The following CDH8 variants were observed in gnomAD, a reference collection of about 807,000 sequenced individuals.
CDH8 encodes cadherin-8.
In CDH8, 17 loss-of-function variants were observed where a neutral mutation model predicts 68.1. The ratio of observed to expected loss-of-function variants is 0.25; its 90% CI spans 0.17 to 0.37. The LOEUF (loss-of-function observed/expected upper bound fraction) is 0.37. CDH8 is among the 10% of genes least tolerant of loss of function. The pLI is 1.00. For synonymous variants in CDH8, 372 were observed against 365.1 expected (o/e 1.02, Z -0.21); for missense variants, 763 against 999.3 (o/e 0.76, Z 3.19).
chr16:62,012,917 A>C (rs924436403), intron 2 of CDH8, among the ~76,000 whole-genome samples: 1 of 152,170 alleles, frequency 6.6e-6, no homozygotes, highest in African/African-American at 2.4e-5. Flanking sequence ...TCCACATCAA[A>C]ACAGTGAATA....
At chr16:61,953,930 A>G (rs1268977828) in intron 2 of CDH8, among the ~76,000 whole-genome samples, 1 of 129,564 alleles carries the variant, frequency 7.7e-6, no homozygotes, top group Non-Finnish European at 1.6e-5. Flanking sequence ...TATATATAAA[A>G]TACCTTAATA....
chr16:61,979,485 C>T (rs906810406), intron 2 of CDH8, among the ~76,000 whole-genome samples: 2 of 152,176 alleles, frequency 1.3e-5, no homozygotes, highest in Non-Finnish European at 2.9e-5. Context: ...GATCAAGGCT[C>T]TTGATCTTAC....
intron 8 of CDH8, among the ~76,000 whole-genome samples, chr16:61,728,560 A>ACATG (rs1469741332): frequency 6.6e-6 from 1 of 151,120 alleles, no homozygotes; most frequent in African/African-American, 2.4e-5. Flanking sequence ...CAGGGAGGAA[A>ACATG]CATGCTCTTT....
At chr16:61,921,878 A>G (rs747742819) in intron 2 of CDH8, among the ~76,000 whole-genome samples, 3 of 152,286 alleles carry the variant, frequency 2.0e-5, no homozygotes, top group Non-Finnish European at 1.5e-5. Flanking sequence ...AAAAAATACA[A>G]AACTTAGTCG....
chr16:61,824,587 G>A (rs1486024348), intron 5 of CDH8, among the ~76,000 whole-genome samples: 2 of 151,828 alleles, frequency 1.3e-5, no homozygotes, highest in East Asian at 3.9e-4. Flanking sequence ...CAGGAAGAAG[G>A]AGTGTAAATT....
At position 61,817,604 on chromosome 16, in the gene CDH8, A is replaced by G. The variant is rs1303967854; in HGVS notation, c.1152T>C (p.Asp384=). The G allele has an allele frequency of 1.2e-6, 2 of 1,614,074 alleles. No homozygotes were observed. The highest frequency in any genetic ancestry group is 8.5e-7 in the Non-Finnish European group (1 of 1,180,004). ...DTATVKIVVE[D]ADEPPVFSSP... ...AAGAGAAGACCGGAGGCTCATCAGC[A>G]TCTTCAACCACGATTTTGACTGTCG... Residue 384 remains aspartate (D), a synonymous_variant, in exon 7 of 12, where the codon GAT becomes GAC. Coordinates refer to ENST00000577390, the MANE Select transcript of CDH8 (RefSeq NM_001796.5).
chr16:61,981,689 C>CGCGCGT (rs1965533317), intron 2 of CDH8, among the ~76,000 whole-genome samples: 1 of 151,506 alleles, frequency 6.6e-6, no homozygotes, highest in African/African-American at 2.4e-5. Flanking sequence ...TGTGCGCGCG[C>CGCGCGT]GCGCGTGCGC....
At chr16:61,798,709 A>G (rs1961552955) in intron 7 of CDH8, among the ~76,000 whole-genome samples, 1 of 152,196 alleles carries the variant, frequency 6.6e-6, no homozygotes, top group Non-Finnish European at 1.5e-5. Flanking sequence ...CTTAGGAAGT[A>G]AAATAAACCA....
intron 3 of CDH8, among the ~76,000 whole-genome samples, chr16:61,877,472 C>T (rs1429719198): frequency 1.3e-5 from 2 of 152,200 alleles, no homozygotes; most frequent in African/African-American, 2.4e-5. Flanking sequence ...AGAATTTCCA[C>T]ATATTTCATT....
At chr16:61,849,270 T>A (rs1217331303) in intron 4 of CDH8, among the ~76,000 whole-genome samples, 1 of 151,912 alleles carries the variant, frequency 6.6e-6, no homozygotes, top group East Asian at 1.9e-4. Context: ...GTCTCCCGCC[T>A]GTCTTCTTAC....
intron 2 of CDH8, among the ~76,000 whole-genome samples, chr16:61,971,278 G>A (rs559697838): frequency 2.6e-5 from 4 of 152,160 alleles, no homozygotes; most frequent in South Asian, 2.1e-4. Context: ...GTGCATGAAC[G>A]CCCCCACTTC....
rs187703560 is a variant in CDH8 at position 61,762,113 on chromosome 16, T to A, written c.1414+27233A>T. Among the ~76,000 whole-genome samples the A allele has an allele frequency of 3.4e-3, 523 of 152,268 alleles. 2 individuals are homozygous for A. The highest frequency in any genetic ancestry group is 6.8e-3 in the Middle Eastern group (2 of 294). On this transcript the variant is annotated intron_variant, in intron 8 of 11. Transcript: ENST00000577390. ...CCGGAGGTAGGCAGATATGGTGGGA[T>A]CCTGGTGGTGGTGGACTTCCTCTGG...
At chr16:61,928,683 C>T (rs1363403092) in intron 2 of CDH8, among the ~76,000 whole-genome samples, 1 of 152,160 alleles carries the variant, frequency 6.6e-6, no homozygotes, top group Non-Finnish European at 1.5e-5. Flanking sequence ...TTATTTTAGA[C>T]ACACTATGAA....
chr16:61,777,253 G>A (rs1242802797), intron 8 of CDH8, among the ~76,000 whole-genome samples: 1 of 152,046 alleles, frequency 6.6e-6, no homozygotes, highest in Non-Finnish European at 1.5e-5. Flanking sequence ...GATATCTAGG[G>A]TCTTCCTTAC....
intron 8 of CDH8, among the ~76,000 whole-genome samples, chr16:61,745,690 C>A (rs72796899): frequency 2.7e-5 from 4 of 150,744 alleles, no homozygotes; most frequent in African/African-American, 9.8e-5. Flanking sequence ...CAGCTTCAGA[C>A]CTTTTCTTTG....
At chr16:61,834,243 G>T (rs1285234010) in intron 4 of CDH8, among the ~76,000 whole-genome samples, 1 of 151,814 alleles carries the variant, frequency 6.6e-6, no homozygotes, top group Non-Finnish European at 1.5e-5. Context: ...TTGTTACACA[G>T]TCACAGAGCC....
intron 10 of CDH8, among the ~76,000 whole-genome samples, chr16:61,656,076 G>A (rs996967695): frequency 1.3e-5 from 2 of 152,062 alleles, no homozygotes; most frequent in African/African-American, 4.8e-5. Context: ...GTTTCACCGT[G>A]TTAGCCAGGA....
At position 61,933,399 on chromosome 16, in the gene CDH8, T is replaced by C. The variant is rs1196476626; in HGVS notation, c.253-31926A>G. Among the ~76,000 whole-genome samples the C allele has an allele frequency of 4.6e-5, 7 of 152,172 alleles. No homozygotes were observed. In the East Asian group the frequency reaches 1.3e-3, roughly 29 times the overall value. ...ATATTGAACTTTTACCCACAAGGTCTTGGAGAAACTAACAAATGATTTAGA... is the reference window on the plus strand; with the variant it reads ...ATATTGAACTTTTACCCACAAGGTCCTGGAGAAACTAACAAATGATTTAGA... On this transcript the variant is annotated intron_variant, in intron 2 of 11. Transcript: ENST00000577390.
intron 8 of CDH8, chr16:61,743,263 C>CT (rs1959924661): frequency 1.3e-5 from 2 of 152,318 alleles, no homozygotes; most frequent in Middle Eastern, 3.4e-3. Flanking sequence ...TCTGAAGAAT[C>CT]TATCACGGGA....
Sources: gnomAD v4.1 joint callset for allele counts (sites outside exome capture counted in the v4.1 genomes callset) on GRCh38, gnomAD v4.1.1 for gene constraint, MANE v1.5 for transcripts, NCBI Gene and HGNC (gene_info 2026-07-23, HGNC 2026-07-21) for gene names.